The following ABR variants were observed in gnomAD, a reference collection of about 807,000 sequenced individuals.
ABR encodes the protein ABR activator of RhoGEF and GTPase.
In ABR, 35 loss-of-function variants were observed where a neutral mutation model predicts 107.2. The ratio of observed to expected loss-of-function variants is 0.33; its 90% confidence interval spans 0.25 to 0.43. The LOEUF (loss-of-function observed/expected upper bound fraction) is 0.43. Among genes scored for constraint, ABR ranks in the 20% least tolerant of loss-of-function variants. The pLI, the probability that ABR is intolerant of heterozygous loss-of-function variation, is 1.00. For missense variants in ABR, 815 were observed against 1,115.2 expected (o/e 0.73, Z 3.83); for synonymous variants, 498 against 462.0 (o/e 1.08, Z -1.00).
At chr17:1,028,271 G>A (rs942692493) in intron 16 of ABR, among the ~76,000 whole-genome samples, 2 of 113,110 alleles carry the variant, frequency 1.8e-5, no homozygotes, top group East Asian at 3.1e-4. Flanking sequence ...TTTTTTTTTT[G>A]TATTTTTAGT....
At chr17:1,024,737 G>A (rs1352228955) in intron 16 of ABR, among the ~76,000 whole-genome samples, 1 of 144,564 alleles carries the variant, frequency 6.9e-6, no homozygotes, top group East Asian at 2.0e-4. Flanking sequence ...AGTGAGCCGA[G>A]ATGGTGCCAC....
rs1030688619 is a variant in ABR, at chr17:1,049,873, G to A, written c.1791+177C>T. On this transcript the variant is annotated intron_variant, in intron 16 of 22. Coordinates refer to ENST00000302538, the MANE Select transcript of ABR (RefSeq NM_021962.5). ...GAGCCACGCACACGCCTGGGCTTCC[G>A]GGGCCACAACAGGCAGCCACCTCTA... 59 of 836,288 alleles carry A rather than the reference G, an allele frequency of 7.1e-5. 1 individual carries two copies. Among genetic ancestry groups the A allele is most frequent in the South Asian group, 4.5e-4 (26 of 57,180 alleles). The allele number at this position is 836,288 out of a possible 1,614,324, so 51.8% of individuals were successfully genotyped here. A position where few individuals can be genotyped will look rare whatever the true frequency, so the allele number is the denominator to read the frequency against.
At chr17:1,189,038 C>T (rs1211131656), upstream of ABR, among the ~76,000 whole-genome samples, 3 of 152,208 alleles carry the variant, frequency 2.0e-5, no homozygotes, top group Non-Finnish European at 4.4e-5. Context: ...GCACCTTGTC[C>T]TGAGCTGGTC....
upstream of ABR, among the ~76,000 whole-genome samples, chr17:1,190,602 T>C (rs2150690618): frequency 6.6e-6 from 1 of 152,298 alleles, no homozygotes; most frequent in Non-Finnish European, 1.5e-5. Context: ...ATCGTGCCAC[T>C]GCACTCCAGC....
At chr17:1,017,621 T>C (rs2663322) in intron 16 of ABR, among the ~76,000 whole-genome samples, 102,259 of 151,256 alleles carry the variant, frequency 0.68, 35,440 homozygotes, top group African/African-American at 0.82. Context: ...GTGCGCACCA[T>C]CACACCCGGC....
chr17:1,126,077 G>A (rs984579250), intron 1 of ABR, among the ~76,000 whole-genome samples: 4 of 152,152 alleles, frequency 2.6e-5, no homozygotes, highest in Non-Finnish European at 4.4e-5. Context: ...AAGTTGAGCC[G>A]CATTAACCCC....
chr17:1,192,270 C>A (rs2042452260), upstream of ABR, among the ~76,000 whole-genome samples: 1 of 152,114 alleles, frequency 6.6e-6, no homozygotes, highest in Non-Finnish European at 1.5e-5. Context: ...AGCCACGGCG[C>A]CCTGCAGAAA....
chr17:1,101,954 C>T (rs969830837), intron 2 of ABR, among the ~76,000 whole-genome samples: 35 of 152,080 alleles, frequency 2.3e-4, no homozygotes, highest in Middle Eastern at 3.4e-3. Flanking sequence ...AGGATGGTCT[C>T]GATCTCCTGA....
At chr17:1,145,127 C>A (rs752808939) in intron 1 of ABR, among the ~76,000 whole-genome samples, 2 of 152,198 alleles carry the variant, frequency 1.3e-5, no homozygotes, top group African/African-American at 2.4e-5. Flanking sequence ...GTCTTCCCCG[C>A]GAGGTGGTGG....
chr17:1,065,635 C>T (rs558122280), intron 10 of ABR, among the ~76,000 whole-genome samples: 1 of 151,906 alleles, frequency 6.6e-6, no homozygotes, highest in Non-Finnish European at 1.5e-5. Flanking sequence ...TCCATGGGTA[C>T]TGGTATGTAG....
At chr17:1,140,744 G>A (rs188970321) in intron 1 of ABR, among the ~76,000 whole-genome samples, 95 of 151,962 alleles carry the variant, frequency 6.3e-4, no homozygotes, top group Middle Eastern at 6.8e-3. Context: ...CACCATGCCC[G>A]GCTAATTTTT....
chr17:1,132,077 G>T (rs1483248582), intron 1 of ABR, among the ~76,000 whole-genome samples: 2 of 151,920 alleles, frequency 1.3e-5, no homozygotes, highest in Non-Finnish European at 2.9e-5. Context: ...TCCTTGCTGG[G>T]CGCGGTGGCT....
At chr17:1,220,497 T>C (rs2043100414) in intron 1 of ABR, among the ~76,000 whole-genome samples, 1 of 152,072 alleles carries the variant, frequency 6.6e-6, no homozygotes, top group African/African-American at 2.4e-5. Context: ...ACTCACGTGG[T>C]GTAAATACAG....
chr17:1,125,479 C>T, intron 1 of ABR, 112 bp from the exon 2 acceptor site: 1 of 1,281,508 alleles, frequency 7.8e-7, no homozygotes, highest in Non-Finnish European at 1.1e-6. Context: ...CCGGCCGCAC[C>T]ATCCACGCCT....
At chr17:1,223,967 T>C (rs1351981934) in intron 1 of ABR, among the ~76,000 whole-genome samples, 1 of 152,100 alleles carries the variant, frequency 6.6e-6, no homozygotes, top group African/African-American at 2.4e-5. Flanking sequence ...CCAAACCCTA[T>C]CAGTGCCTGT....
At chr17:1,058,070 G>A in intron 11 of ABR, 25 bp from the exon 12 acceptor site, 1 of 1,589,850 alleles carries the variant, frequency 6.3e-7, no homozygotes, top group South Asian at 1.1e-5. Flanking sequence ...TAAGCATAAA[G>A]TGGGTGACCA....
intron 21 of ABR, among the ~76,000 whole-genome samples, chr17:1,008,947 G>A (rs978856152): frequency 5.3e-5 from 8 of 152,158 alleles, no homozygotes; most frequent in Non-Finnish European, 1.0e-4. Flanking sequence ...GGAAGTTGAG[G>A]GCTCTAAGGA....
intron 10 of ABR, among the ~76,000 whole-genome samples, chr17:1,064,380 C>G (rs1597630975): frequency 7.5e-6 from 1 of 133,778 alleles, no homozygotes; most frequent in African/African-American, 2.7e-5. Context: ...GTTATGTGAA[C>G]TGAGGGCTAT....
chr17:1,021,934 G>A (rs535432585), intron 16 of ABR, among the ~76,000 whole-genome samples: 28 of 151,770 alleles, frequency 1.8e-4, no homozygotes, highest in Non-Finnish European at 2.5e-4. Flanking sequence ...AGAGGCGGGC[G>A]GATCACTCGA....
Sources: allele counts gnomAD v4.1 joint callset (sites outside exome capture counted in the v4.1 genomes callset), GRCh38; gene constraint gnomAD v4.1.1; transcripts MANE v1.5; gene names NCBI Gene and HGNC (gene_info 2026-07-23, HGNC 2026-07-21).